The following RABGEF1 variants were observed in gnomAD, a reference collection of about 807,000 sequenced individuals.
RABGEF1 encodes the protein rab5 GDP/GTP exchange factor.
In RABGEF1, 26 loss-of-function variants were observed where a neutral mutation model predicts 57.3. The observed-to-expected ratio is 0.45, with a 90% CI of 0.33 to 0.63. The LOEUF (loss-of-function observed/expected upper bound fraction) is 0.63. RABGEF1 is among the 20% of genes least tolerant of loss of function. RABGEF1 has a pLI of 0.02. For synonymous variants in RABGEF1, 185 were observed against 210.7 expected (o/e 0.88, Z 1.06); for missense variants, 464 against 607.6 (o/e 0.76, Z 2.48).
intron 2 of RABGEF1, among the ~76,000 whole-genome samples, chr7:66,773,076 GTTGT>G (rs1480100975): frequency 4.2e-5 from 5 of 118,760 alleles, no homozygotes; most frequent in Admixed American, 8.6e-5. Context: ...CCTCTAGCTA[GTTGT>G]TTGTTTTTTT....
At chr7:66,661,355 T>A in the RABGEF1 span, among the ~76,000 whole-genome samples, 1 of 146,930 alleles carries the variant, frequency 6.8e-6, no homozygotes, top group South Asian at 2.1e-4. Flanking sequence ...ATTAAAGTGA[T>A]TATAAGATAA....
intron 2 of RABGEF1, among the ~76,000 whole-genome samples, chr7:66,726,105 A>G (rs1796557819): frequency 1.3e-5 from 2 of 151,668 alleles, no homozygotes; most frequent in South Asian, 4.1e-4. Context: ...CTACTCAGAC[A>G]GGGCCAGAAG....
At chr7:66,717,138 A>G (rs995060355) in intron 2 of RABGEF1, among the ~76,000 whole-genome samples, 16 of 151,912 alleles carry the variant, frequency 1.1e-4, no homozygotes, top group African/African-American at 3.6e-4. Flanking sequence ...TTATTTGACT[A>G]TTGCTTAGTA....
intron 2 of RABGEF1, among the ~76,000 whole-genome samples, chr7:66,716,076 A>G (rs1795358281): frequency 6.6e-6 from 1 of 152,048 alleles, no homozygotes; most frequent in Non-Finnish European, 1.5e-5. Context: ...TTTCTCCTCA[A>G]GTTCTGTCAG....
rs556085411 is a variant in RABGEF1, at chr7:66,688,917, A to G, written c.-873+6659A>G. Among the ~76,000 whole-genome samples the G allele has an allele frequency of 6.6e-5, 10 of 152,252 alleles. No homozygotes were observed. In the South Asian group the frequency reaches 2.1e-3, roughly 32 times the overall value. On this transcript the variant is annotated intron_variant and NMD_transcript_variant, in intron 1 of 9. Transcript: ENST00000607882. ...AGACCAGTCTAACCAACATGGCAAA[A>G]GCCCATTGCTACTAAAAATACAAAA...
intron 1 of RABGEF1, among the ~76,000 whole-genome samples, chr7:66,687,543 G>A (rs1306373537): frequency 6.6e-6 from 1 of 151,972 alleles, no homozygotes; most frequent in African/African-American, 2.4e-5. Flanking sequence ...GCTATGAGTG[G>A]TGGCATGTTC....
At chr7:66,676,200 T>C in the RABGEF1 span, among the ~76,000 whole-genome samples, 1 of 152,060 alleles carries the variant, frequency 6.6e-6, no homozygotes, top group East Asian at 1.9e-4. Context: ...CGTGAATTGC[T>C]TGAACCCAGG....
At chr7:66,739,923 C>T (rs1011664011), upstream of RABGEF1, 1 of 152,232 alleles carries the variant, frequency 6.6e-6, no homozygotes, top group Non-Finnish European at 1.5e-5. Flanking sequence ...ATTTGTGACT[C>T]AACCATTAAT....
intron 4 of RABGEF1, among the ~76,000 whole-genome samples, chr7:66,789,310 CTGAGGATGAGAAG>C (rs1811995552): frequency 6.6e-6 from 1 of 152,122 alleles, no homozygotes; most frequent in Non-Finnish European, 1.5e-5. Context: ...ACTGGAAGCA[CTGAGGATGAGAAG>C]TGAGGCAGTG....
At chr7:66,674,777 T>TA in the RABGEF1 span, among the ~76,000 whole-genome samples, 2 of 152,016 alleles carry the variant, frequency 1.3e-5, no homozygotes, top group African/African-American at 4.8e-5. Flanking sequence ...TAGGAGAAGT[T>TA]AGAGTGGTTG....
intron 1 of RABGEF1, among the ~76,000 whole-genome samples, chr7:66,751,515 ACT>A (rs758875543): frequency 5.3e-5 from 8 of 152,002 alleles, no homozygotes; most frequent in Non-Finnish European, 1.0e-4. Flanking sequence ...AGAAGAAATC[ACT>A]CTTCCTTTTG....
intron 1 of RABGEF1, among the ~76,000 whole-genome samples, chr7:66,753,059 T>A (rs1223890327): frequency 6.6e-6 from 1 of 152,206 alleles, no homozygotes; most frequent in African/African-American, 2.4e-5. Context: ...AGTATTATAA[T>A]GGCTGTATTT....
chr7:66,720,187 TATTATTA>T (rs1382159321), intron 2 of RABGEF1, among the ~76,000 whole-genome samples: 2 of 116,662 alleles, frequency 1.7e-5, no homozygotes, highest in African/African-American at 2.9e-5. Context: ...TTATTATTAT[TATTATTA>T]TTTTTTTTTT....
At chr7:66,748,989 T>C in intron 1 of RABGEF1, 1 of 189,038 alleles carries the variant, frequency 5.3e-6, no homozygotes, top group Non-Finnish European at 1.2e-5. Context: ...TCCCTGAGGC[T>C]CTTGGTAGGT....
rs757342847 is a variant in RABGEF1, at chr7:66,799,280, A to T, written c.729-43A>T. On this transcript the variant is annotated intron_variant, in intron 6 of 8. Transcript: ENST00000284957. ...AGGAGGTGACAAGACAAATGGCCAC[A>T]GTTTATCCTTGGAGCTCTTGTTTAC... The T allele has an allele frequency of 1.4e-5, 21 of 1,505,608 alleles. No individual in the cohort carries two copies. The African/African-American group carries it at 2.2e-4, about 16-fold the overall frequency. The allele number at this position is 1,505,608 out of a possible 1,614,324, so 93.3% of individuals were successfully genotyped here. A position where few individuals can be genotyped will look rare whatever the true frequency, so the allele number is the denominator to read the frequency against.
At chr7:66,732,728 T>G (rs181026648) in intron 2 of RABGEF1, among the ~76,000 whole-genome samples, 10 of 149,940 alleles carry the variant, frequency 6.7e-5, no homozygotes, top group South Asian at 2.1e-4. Context: ...TCTCTCGCTC[T>G]CTCTCTCTTG....
chr7:66,777,173 A>G (rs561178303), intron 3 of RABGEF1, among the ~76,000 whole-genome samples: 1 of 152,322 alleles, frequency 6.6e-6, no homozygotes, highest in East Asian at 1.9e-4. Context: ...ACTCATTCCT[A>G]TTTAGCTTAA....
In RABGEF1 at chr7:66,767,317, G is replaced by C. The variant is rs531107813; in HGVS notation, c.-17-4566G>C. On this transcript the variant is annotated intron_variant, in intron 1 of 8. Coordinates refer to ENST00000284957, the MANE Select transcript of RABGEF1 (RefSeq NM_014504.3). ...TGTGCCCAGCCGAGGTTTTTTTTTT[G>C]TTTAAATCATAGAGTAAAATTGATC... Among the ~76,000 whole-genome samples, 84 of 150,506 alleles carry C rather than the reference G, an allele frequency of 5.6e-4. 1 individual carries two copies. Among genetic ancestry groups the C allele is most frequent in the Admixed American group, 2.6e-3 (40 of 15,142 alleles).
intron 1 of RABGEF1, among the ~76,000 whole-genome samples, chr7:66,688,393 C>T (rs1584646789): frequency 6.6e-6 from 1 of 152,196 alleles, no homozygotes; most frequent in East Asian, 1.9e-4. Context: ...AGCACTTGAA[C>T]AACATGATAA....
Sources: gnomAD v4.1 joint callset for allele counts (sites outside exome capture counted in the v4.1 genomes callset) on GRCh38, gnomAD v4.1.1 for gene constraint, MANE v1.5 for transcripts, NCBI Gene and HGNC (gene_info 2026-07-23, HGNC 2026-07-21) for gene names.